TNFRSF19: variants seen among roughly 807,000 people sequenced by gnomAD.
The protein encoded by TNFRSF19 is tumor necrosis factor receptor superfamily member 19.
Under a neutral mutation model 46.4 loss-of-function variants are expected in TNFRSF19, and 27 were observed. The ratio of observed to expected loss-of-function variants is 0.58; its 90% CI spans 0.43 to 0.80. The LOEUF (loss-of-function observed/expected upper bound fraction) is 0.80, where lower values mean the gene tolerates loss of function less well. TNFRSF19 is among the 30% of genes least tolerant of loss of function. The probability of loss-of-function intolerance (pLI) is 0.00; values close to 1 mark genes in which losing one functional copy is unlikely to be tolerated. For missense variants in TNFRSF19, 511 were observed against 530.8 expected (o/e 0.96, Z 0.37); for synonymous variants, 204 against 205.0 (o/e 1.00, Z 0.04).
chr13:23,607,133 A>G (rs1172957885), intron 3 of TNFRSF19, among the ~76,000 whole-genome samples: 1 of 152,086 alleles, frequency 6.6e-6, no homozygotes, highest in African/African-American at 2.4e-5. Flanking sequence ...AAAGCTTGAG[A>G]TATTAAATGT....
At chr13:23,613,963 T>C (rs1346409122) in intron 3 of TNFRSF19, among the ~76,000 whole-genome samples, 4 of 152,236 alleles carry the variant, frequency 2.6e-5, no homozygotes, top group African/African-American at 7.2e-5. Flanking sequence ...AAAAATTACA[T>C]TTTGCAGAAC....
At chr13:23,604,302 A>G (rs1880369585) in intron 3 of TNFRSF19, among the ~76,000 whole-genome samples, 1 of 151,644 alleles carries the variant, frequency 6.6e-6, no homozygotes, top group South Asian at 2.1e-4. Flanking sequence ...CTAACAAAAT[A>G]TGTACAAGAT....
intron 3 of TNFRSF19, among the ~76,000 whole-genome samples, chr13:23,606,067 A>G (rs1048927338): frequency 2.0e-5 from 3 of 152,130 alleles, no homozygotes; most frequent in Non-Finnish European, 2.9e-5. Flanking sequence ...TGTAAGGACT[A>G]TCTCTCTACC....
At chr13:23,666,289 G>C (rs115591638) in intron 7 of TNFRSF19, among the ~76,000 whole-genome samples, 4 of 152,186 alleles carry the variant, frequency 2.6e-5, no homozygotes, top group Non-Finnish European at 4.4e-5. Flanking sequence ...GTAGCTTAGC[G>C]TGCTCTGATG....
chr13:23,618,083 A>G (rs753938971), intron 4 of TNFRSF19, among the ~76,000 whole-genome samples: 1 of 152,232 alleles, frequency 6.6e-6, no homozygotes, highest in Non-Finnish European at 1.5e-5. Flanking sequence ...AGGGAGCTGT[A>G]AGATGTAGTG....
At chr13:23,671,806 T>G (rs1345397282) in intron 9 of TNFRSF19, among the ~76,000 whole-genome samples, 3 of 152,154 alleles carry the variant, frequency 2.0e-5, no homozygotes, top group African/African-American at 7.2e-5. Context: ...TGCAGTGAGC[T>G]AGGATCACGC....
intron 5 of TNFRSF19, among the ~76,000 whole-genome samples, chr13:23,638,818 G>A (rs193149330): frequency 6.6e-5 from 10 of 152,166 alleles, no homozygotes; most frequent in South Asian, 2.1e-4. Flanking sequence ...ATCACGCTGC[G>A]GGTTCCTGTC....
intron 5 of TNFRSF19, among the ~76,000 whole-genome samples, chr13:23,637,857 G>A (rs1882784985): frequency 1.3e-5 from 2 of 152,388 alleles, no homozygotes; most frequent in East Asian, 3.9e-4. Flanking sequence ...CCAAATGCAA[G>A]GGAAAATGGA....
intron 3 of TNFRSF19, among the ~76,000 whole-genome samples, chr13:23,605,663 T>C (rs953561325): frequency 6.6e-6 from 1 of 152,180 alleles, no homozygotes; most frequent in African/African-American, 2.4e-5. Context: ...TGAAAAGACA[T>C]AGAGGACCTT....
intron 3 of TNFRSF19, among the ~76,000 whole-genome samples, chr13:23,614,261 T>C (rs767529888): frequency 2.6e-5 from 4 of 152,158 alleles, no homozygotes; most frequent in Admixed American, 6.5e-5. Context: ...GGAAAGAAAG[T>C]ATCACTCACC....
intron 7 of TNFRSF19, among the ~76,000 whole-genome samples, chr13:23,663,049 C>T (rs1593298557): frequency 6.6e-6 from 1 of 152,136 alleles, no homozygotes; most frequent in Admixed American, 6.6e-5. Flanking sequence ...ATTTCCCATA[C>T]TGTGTTGAAT....
At chr13:23,591,607 G>A (rs9507121) in intron 2 of TNFRSF19, among the ~76,000 whole-genome samples, 98,227 of 151,780 alleles carry the variant, frequency 0.65, 32,198 homozygotes, top group African/African-American at 0.73. Context: ...TTCTCTTTAC[G>A]GTCTCTCTGT....
At chr13:23,625,819 C>T (rs1024381629) in intron 4 of TNFRSF19, among the ~76,000 whole-genome samples, 6 of 152,272 alleles carry the variant, frequency 3.9e-5, no homozygotes, top group Non-Finnish European at 8.8e-5. Flanking sequence ...CCTACACTCA[C>T]ACCAGCACTT....
At chr13:23,640,980 G>A (rs1358898152) in intron 5 of TNFRSF19, among the ~76,000 whole-genome samples, 3 of 152,076 alleles carry the variant, frequency 2.0e-5, no homozygotes, top group South Asian at 2.1e-4. Context: ...TTGCTACATG[G>A]TTAATAAGTC....
Position 23,591,820 on chromosome 13 carries a change from G to A in TNFRSF19, c.70-1525G>A, listed in dbSNP as rs150988096. ...GGCTCACTGCAACCTCCGCTTCCCA[G>A]TTTCAAGTGATTCTCCTGCCTCAGC... is the stretch of plus-strand genomic sequence containing the variant. On this transcript the variant is annotated intron_variant, in intron 2 of 9. Coordinates refer to ENST00000248484, the MANE Select transcript of TNFRSF19 (RefSeq NM_148957.4). Among the ~76,000 whole-genome samples, 479 of 150,950 alleles carry A rather than the reference G, an allele frequency of 3.2e-3. 1 individual carries two copies. The highest frequency in any genetic ancestry group is 0.011 in the African/African-American group (441 of 40,996).
intron 1 of TNFRSF19, among the ~76,000 whole-genome samples, chr13:23,584,552 C>G (rs555857500): frequency 6.7e-6 from 1 of 149,284 alleles, no homozygotes; most frequent in South Asian, 2.1e-4. Flanking sequence ...GCAAGTATCT[C>G]TTTTGTATAA....
At chr13:23,637,762 A>G (rs895415614) in intron 5 of TNFRSF19, among the ~76,000 whole-genome samples, 14 of 152,260 alleles carry the variant, frequency 9.2e-5, no homozygotes, top group Non-Finnish European at 1.3e-4. Flanking sequence ...GAGGTAAATA[A>G]GAGTTATCCA....
chr13:23,663,112 C>G (rs1349063069), intron 7 of TNFRSF19, among the ~76,000 whole-genome samples: 1 of 152,222 alleles, frequency 6.6e-6, no homozygotes, highest in Non-Finnish European at 1.5e-5. Flanking sequence ...AAGGGGAATG[C>G]TTCCAGCTTT....
chr13:23,672,956 T>C (rs1951781082), intron 9 of TNFRSF19, among the ~76,000 whole-genome samples: 1 of 152,242 alleles, frequency 6.6e-6, no homozygotes, highest in South Asian at 2.1e-4. Context: ...GTACTATTCA[T>C]TCATCTTTGT....
Sources: gnomAD v4.1 joint callset for allele counts (sites outside exome capture counted in the v4.1 genomes callset) on GRCh38, gnomAD v4.1.1 for gene constraint, MANE v1.5 for transcripts, NCBI Gene and HGNC (gene_info 2026-07-23, HGNC 2026-07-21) for gene names.